SEL1L: variants seen among roughly 807,000 people sequenced by gnomAD.
The protein encoded by SEL1L is protein sel-1 homolog 1.
A neutral mutation model predicts 109.8 loss-of-function variants in SEL1L; 52 were observed. The ratio of observed to expected loss-of-function variants is 0.47; its 90% confidence interval spans 0.38 to 0.60. The LOEUF (loss-of-function observed/expected upper bound fraction) is 0.60, where lower values mean the gene tolerates loss of function less well. Ranked by LOEUF, SEL1L falls within the 20% of genes least tolerant of loss-of-function variation. SEL1L has a pLI of 0.00. For synonymous variants in SEL1L, 373 were observed against 339.6 expected (o/e 1.10, Z -1.08); for missense variants, 749 against 962.2 (o/e 0.78, Z 2.93).
Position 81,484,414 on chromosome 14 carries a change from A to T in SEL1L, c.1874-17T>A. 1 of 1,594,860 alleles carries T rather than the reference A, an allele frequency of 6.3e-7. No individual in the cohort carries two copies. Among genetic ancestry groups the T allele is most frequent in the Non-Finnish European group, 8.6e-7 (1 of 1,164,796 alleles). Reference sequence around the variant, plus strand: ...CAGTATAGCCTTAAACAAAAGTTAAATGCAGAACTGCCAATAAATAAAGTA... The same window carrying T: ...CAGTATAGCCTTAAACAAAAGTTAATTGCAGAACTGCCAATAAATAAAGTA... On this transcript the variant is annotated splice_polypyrimidine_tract_variant and intron_variant, in intron 18 of 20. Coordinates refer to ENST00000336735, the MANE Select transcript of SEL1L (RefSeq NM_005065.6).
In SEL1L at chr14:81,502,712, T is replaced by C; in HGVS notation, c.777+9A>G. 6.2e-7 allele frequency: 1 copy of C among 1,612,568 alleles called. No homozygotes were observed. The highest frequency in any genetic ancestry group is 8.5e-7 in the Non-Finnish European group (1 of 1,179,200). ...ATGCAGAGAGATTCTTCACTGAGAA[T>C]GTACTTACAGTCTGTCCCTTGGGAG... On this transcript the variant is annotated intron_variant, in intron 6 of 20. Transcript: ENST00000336735.
chr14:81,515,292 G>C (rs1018356189), intron 3 of SEL1L, among the ~76,000 whole-genome samples: 4 of 152,204 alleles, frequency 2.6e-5, no homozygotes, highest in Admixed American at 6.5e-5. Flanking sequence ...AGATGATCCT[G>C]ATAGGTATAC....
chr14:81,503,045 T>A (rs1884077750), intron 5 of SEL1L, among the ~76,000 whole-genome samples, 162 bp from the exon 6 acceptor site: 2 of 152,218 alleles, frequency 1.3e-5, no homozygotes, highest in Non-Finnish European at 2.9e-5. Context: ...CCGGCTGGAG[T>A]GCAATGGCAT....
At chr14:81,514,288 C>A (rs1884607547) in intron 3 of SEL1L, among the ~76,000 whole-genome samples, 1 of 152,196 alleles carries the variant, frequency 6.6e-6, no homozygotes, top group Non-Finnish European at 1.5e-5. Flanking sequence ...AAATGATATC[C>A]TTCCTATTCA....
At chr14:81,485,385 C>T (rs538668161) in intron 18 of SEL1L, among the ~76,000 whole-genome samples, 10 of 152,196 alleles carry the variant, frequency 6.6e-5, no homozygotes, top group Admixed American at 6.5e-4. Flanking sequence ...AAGCGATTCT[C>T]CTGCCTCAGC....
Position 81,474,610 on chromosome 14 carries a change from C to T in SEL1L, c.*2362G>A, listed in dbSNP as rs1011020993. On this transcript the variant is annotated 3_prime_UTR_variant, in exon 21 of 21. Coordinates refer to ENST00000336735, the MANE Select transcript of SEL1L (RefSeq NM_005065.6). The stretch of plus-strand genomic sequence containing the variant: ...ATTATTTTAGGAGAAAAACCAAACC[C>T]AACTCCTATTTGCTTAGGTACCATG... 1 of 152,122 alleles carries T rather than the reference C, an allele frequency of 6.6e-6. No homozygotes were observed. The highest frequency in any genetic ancestry group is 2.4e-5 in the African/African-American group (1 of 41,420). The allele number at this position is 152,122 out of a possible 1,614,324, so 9.4% of individuals were successfully genotyped here.
intron 10 of SEL1L, 21 bp downstream of exon 10, chr14:81,497,871 G>T: frequency 1.2e-6 from 2 of 1,606,276 alleles, no homozygotes; most frequent in Non-Finnish European, 8.5e-7. Context: ...AAGATATTTG[G>T]TGAGATGTTC....
chr14:81,519,119 A>G (rs1043308789), intron 3 of SEL1L, among the ~76,000 whole-genome samples: 3 of 152,186 alleles, frequency 2.0e-5, no homozygotes, highest in South Asian at 2.1e-4. Flanking sequence ...CCAGCCCCCA[A>G]TAAAAACTCT....
intron 19 of SEL1L, among the ~76,000 whole-genome samples, chr14:81,481,727 G>A (rs532207057): frequency 2.6e-5 from 4 of 152,002 alleles, no homozygotes; most frequent in Non-Finnish European, 4.4e-5. Context: ...AGGTGATCAC[G>A]ATGTCTTATA....
intron 3 of SEL1L, among the ~76,000 whole-genome samples, chr14:81,523,084 T>C (rs947969056): frequency 1.3e-5 from 2 of 152,180 alleles, no homozygotes; most frequent in South Asian, 4.1e-4. Context: ...TTAAAATCCC[T>C]GAAATCTCTT....
At chr14:81,489,357 T>C (rs747889632) in intron 13 of SEL1L, 43 bp from the exon 14 acceptor site, 5 of 1,500,534 alleles carry the variant, frequency 3.3e-6, no homozygotes, top group Non-Finnish European at 4.6e-6. Context: ...AAAGAATTCA[T>C]TCAAAAATAG....
chr14:81,485,523 C>G, intron 18 of SEL1L, 149 bp downstream of exon 18: 1 of 642,100 alleles, frequency 1.6e-6, no homozygotes, highest in Non-Finnish European at 2.7e-6. Flanking sequence ...AACTCCTGAC[C>G]TCAAGTGATC....
chr14:81,497,205 TC>T (rs1356100707), intron 10 of SEL1L, among the ~76,000 whole-genome samples: 1 of 152,224 alleles, frequency 6.6e-6, no homozygotes. Flanking sequence ...CGTTTTTTTT[TC>T]CTTAAGACTC....
chr14:81,493,191 T>C (rs1373045504), intron 11 of SEL1L, among the ~76,000 whole-genome samples: 1 of 152,076 alleles, frequency 6.6e-6, no homozygotes, highest in East Asian at 1.9e-4. Context: ...TCCCCCTCAA[T>C]CACATTCTAT....
chr14:81,526,986 A>C, intron 2 of SEL1L, 22 bp from the exon 3 acceptor site: 1 of 1,560,316 alleles, frequency 6.4e-7, no homozygotes. Flanking sequence ...AAGTATTTTT[A>C]GTTATCAACA....
rs1231036563 is a variant in SEL1L, at chr14:81,472,132, A to T, written c.*4840T>A. ...ATCAAGTTGCAGCCAATGAAGATGG[A>T]GGACATTCTAATGACTTGCCAGAAA... On this transcript the variant is annotated 3_prime_UTR_variant, in exon 21 of 21. Transcript: ENST00000336735. 6.5e-6 allele frequency: 1 copy of T among 153,662 alleles called. No homozygotes were observed. The highest frequency in any genetic ancestry group is 6.5e-5 in the Admixed American group (1 of 15,462). 9.5% of individuals were successfully genotyped at this position (153,662 alleles called of 1,614,324 possible).
At chr14:81,515,860 T>G (rs1438391718) in intron 3 of SEL1L, among the ~76,000 whole-genome samples, 1 of 151,976 alleles carries the variant, frequency 6.6e-6, no homozygotes, top group Non-Finnish European at 1.5e-5. Context: ...TGTTCTATAA[T>G]AGGGACCAAG....
intron 19 of SEL1L, among the ~76,000 whole-genome samples, chr14:81,482,009 C>T (rs1189125779): frequency 1.3e-5 from 2 of 149,672 alleles, no homozygotes; most frequent in Non-Finnish European, 3.0e-5. Flanking sequence ...CCAGCCTGGG[C>T]AACAGAGTGA....
intron 16 of SEL1L, among the ~76,000 whole-genome samples, chr14:81,486,970 C>CTTT (rs139733784): frequency 1.5e-5 from 2 of 136,536 alleles, no homozygotes; most frequent in African/African-American, 2.6e-5. Context: ...TTCTTTCTTT[C>CTTT]TTTTTTTTTT....
Sources: gnomAD v4.1 joint callset for allele counts (sites outside exome capture counted in the v4.1 genomes callset) on GRCh38, gnomAD v4.1.1 for gene constraint, MANE v1.5 for transcripts, NCBI Gene and HGNC (gene_info 2026-07-23, HGNC 2026-07-21) for gene names.